DIAPH2: variants seen among roughly 807,000 people sequenced by gnomAD.
DIAPH2 encodes protein diaphanous homolog 2.
In DIAPH2, 35 loss-of-function variants were observed where a neutral mutation model predicts 92.7. That is an observed-to-expected ratio of 0.38 (90% CI 0.29 to 0.50). The LOEUF (loss-of-function observed/expected upper bound fraction) is 0.50. DIAPH2 is among the 20% of genes least tolerant of loss of function. The pLI is 0.94. For missense variants in DIAPH2, 701 were observed against 819.5 expected (o/e 0.86, Z 1.77); for synonymous variants, 301 against 280.4 (o/e 1.07, Z -0.73).
chrX:97,195,530 G>T (rs957653941), intron 22 of DIAPH2, among the ~76,000 whole-genome samples: 3 of 109,836 alleles, frequency 2.7e-5, no homozygotes, highest in African/African-American at 1.0e-4. Flanking sequence ...GCATGGTAGT[G>T]CACACCTGTA....
intron 26 of DIAPH2, among the ~76,000 whole-genome samples, chrX:97,572,135 A>C (rs1393612791): frequency 9.3e-6 from 1 of 107,805 alleles, no homozygotes; most frequent in Non-Finnish European, 1.9e-5. Context: ...TGGGAATATG[A>C]CTGGACATAA....
intron 4 of DIAPH2, among the ~76,000 whole-genome samples, chrX:96,788,236 G>A (rs1319750259): frequency 9.0e-6 from 1 of 111,507 alleles, no homozygotes; most frequent in Non-Finnish European, 1.9e-5. Context: ...ATGTGTAACG[G>A]CAGAGATCAT....
At chrX:97,476,964 A>T (rs867720921) in intron 26 of DIAPH2, among the ~76,000 whole-genome samples, 39 of 51,189 alleles carry the variant, frequency 7.6e-4, no homozygotes, top group African/African-American at 2.1e-3. Flanking sequence ...AAAAAAAAAA[A>T]AAAAATATAT....
intron 22 of DIAPH2, among the ~76,000 whole-genome samples, chrX:97,229,718 A>G (rs1470885444): frequency 9.2e-6 from 1 of 108,535 alleles, no homozygotes; most frequent in Non-Finnish European, 1.9e-5. Flanking sequence ...ACCATTCCTC[A>G]AATAAAAGAT....
chrX:97,001,518 C>T (rs232360), intron 17 of DIAPH2, among the ~76,000 whole-genome samples: 52,070 of 108,976 alleles, frequency 0.48, 9,193 homozygotes, highest in East Asian at 0.69. Flanking sequence ...TGGTAGCAAG[C>T]GCCTGTAATC....
chrX:97,238,364 T>C (rs2068065773), intron 22 of DIAPH2, among the ~76,000 whole-genome samples: 2 of 112,145 alleles, frequency 1.8e-5, no homozygotes, highest in Non-Finnish European at 3.8e-5. Flanking sequence ...GCAGCTTTCA[T>C]GTTTTCTTAC....
Position 97,334,480 on chromosome X carries a change from A to AAAAAACC in DIAPH2, c.2845-13630_2845-13629insCAAAAAC, listed in dbSNP as rs1352479814. The stretch of plus-strand genomic sequence containing the variant: ...TCCGTCTCAAAAAAAAAAAAAAAAC[A>AAAAAACC]AAAAACAATTCTAGATACATTGAGA... On this transcript the variant is annotated intron_variant, in intron 23 of 26. Transcript: ENST00000324765. Among the ~76,000 whole-genome samples the AAAAAACC allele has an allele frequency of 1.5e-4, 16 of 103,393 alleles. No individual in the cohort carries two copies. The South Asian group carries it at 6.6e-3, about 43-fold the overall frequency. 89.8% of individuals were successfully genotyped at this position (103,393 alleles called of 115,157 possible).
In DIAPH2 at chrX:97,530,548, C is replaced by A. The variant is rs186762524; in HGVS notation, c.3242-68705C>A. Among the ~76,000 whole-genome samples the A allele has an allele frequency of 6.3e-5, 7 of 111,371 alleles. No individual in the cohort carries two copies. In the East Asian group the frequency reaches 2.0e-3, roughly 32 times the overall value. ...AGCTGCCTATAAATGATAGAGAGAA[C>A]CCTCTCTGGAGGAAAATATCATCTA... is the stretch of plus-strand genomic sequence containing the variant. On this transcript the variant is annotated intron_variant, in intron 26 of 26. Coordinates refer to ENST00000324765, the MANE Select transcript of DIAPH2 (RefSeq NM_006729.5).
At chrX:97,552,547 T>C (rs1187155949) in intron 26 of DIAPH2, among the ~76,000 whole-genome samples, 1 of 110,977 alleles carries the variant, frequency 9.0e-6, no homozygotes, top group Non-Finnish European at 1.9e-5. Flanking sequence ...TCTTTTGTTT[T>C]TGAATATACA....
chrX:97,357,394 G>C (rs745319924), intron 24 of DIAPH2, among the ~76,000 whole-genome samples: 3 of 111,436 alleles, frequency 2.7e-5, no homozygotes, highest in East Asian at 5.6e-4. Context: ...CCCTGAATAA[G>C]GCAGTAGAAG....
At chrX:97,171,127 G>T (rs1167262618) in intron 22 of DIAPH2, among the ~76,000 whole-genome samples, 1 of 111,618 alleles carries the variant, frequency 9.0e-6, no homozygotes, top group Non-Finnish European at 1.9e-5. Flanking sequence ...ACCCGCCTCG[G>T]CCTCCCAAAG....
At chrX:97,247,880 C>G (rs1355439752) in intron 23 of DIAPH2, 41 bp downstream of exon 23, 1 of 1,144,584 alleles carries the variant, frequency 8.7e-7, no homozygotes, top group Admixed American at 2.3e-5. Context: ...AGTTTTTAGT[C>G]TCTATGTCTG....
At chrX:97,289,918 T>G (rs779431907) in intron 23 of DIAPH2, among the ~76,000 whole-genome samples, 2 of 109,819 alleles carry the variant, frequency 1.8e-5, no homozygotes, top group Non-Finnish European at 3.8e-5. Context: ...TAGAGACAGC[T>G]TTTTGCCATG....
intron 5 of DIAPH2, among the ~76,000 whole-genome samples, chrX:96,903,783 C>G (rs759519590): frequency 2.0e-4 from 22 of 111,722 alleles, no homozygotes; most frequent in African/African-American, 7.1e-4. Flanking sequence ...GGAAAATATT[C>G]TTGATTGTTA....
At chrX:97,021,222 G>A (rs2066295391) in intron 17 of DIAPH2, among the ~76,000 whole-genome samples, 1 of 111,078 alleles carries the variant, frequency 9.0e-6, no homozygotes, top group African/African-American at 3.3e-5. Context: ...TTTTGAGAGG[G>A]GATCACACTC....
chrX:97,301,105 C>T, intron 23 of DIAPH2, among the ~76,000 whole-genome samples: 1 of 99,610 alleles, frequency 1.0e-5, no homozygotes. Context: ...AGATCGACAT[C>T]GCGCCACTGC....
At chrX:97,305,838 A>AG (rs765610432) in intron 23 of DIAPH2, among the ~76,000 whole-genome samples, 39 of 107,872 alleles carry the variant, frequency 3.6e-4, no homozygotes, top group African/African-American at 1.3e-3. Context: ...AAAAAAAAAA[A>AG]AAAGAAAGAA....
chrX:96,939,007 T>C (rs2065676009), intron 11 of DIAPH2, among the ~76,000 whole-genome samples: 1 of 111,756 alleles, frequency 8.9e-6, no homozygotes, highest in Non-Finnish European at 1.9e-5. Context: ...CTTTAAAATA[T>C]GTATAACGGA....
intron 4 of DIAPH2, among the ~76,000 whole-genome samples, chrX:96,769,204 A>T (rs2064322794): frequency 8.9e-6 from 1 of 112,094 alleles, no homozygotes; most frequent in Non-Finnish European, 1.9e-5. Flanking sequence ...ATCAATAATG[A>T]CTGAAATTTC....
Sources: gnomAD v4.1 joint callset for allele counts (sites outside exome capture counted in the v4.1 genomes callset) on GRCh38, gnomAD v4.1.1 for gene constraint, MANE v1.5 for transcripts, NCBI Gene and HGNC (gene_info 2026-07-23, HGNC 2026-07-21) for gene names.